The following DLG2 variants were observed in gnomAD, a reference collection of about 807,000 sequenced individuals.
DLG2 encodes the protein disks large homolog 2.
A neutral mutation model predicts 132.5 loss-of-function variants in DLG2; 45 were observed. The ratio of observed to expected loss-of-function variants is 0.34; its 90% confidence interval spans 0.27 to 0.44. DLG2 has a LOEUF of 0.44. Ranked by LOEUF, DLG2 falls within the 20% of genes least tolerant of loss-of-function variation. DLG2 has a pLI of 1.00. For synonymous variants in DLG2, 424 were observed against 419.6 expected, an observed-to-expected ratio of 1.01 and a Z score of -0.13; for missense variants, 1,045 against 1,196.9, an observed-to-expected ratio of 0.87 and a Z score of 1.87.
intron 11 of DLG2, among the ~76,000 whole-genome samples, chr11:84,005,402 A>T (rs904698793): frequency 1.3e-5 from 2 of 152,170 alleles, no homozygotes; most frequent in South Asian, 4.1e-4. Context: ...CTCACAGAAG[A>T]AAACAAAGGG....
chr11:84,047,597 T>C (rs1369501300), intron 11 of DLG2, among the ~76,000 whole-genome samples: 1 of 151,634 alleles, frequency 6.6e-6, no homozygotes, highest in Non-Finnish European at 1.5e-5. Flanking sequence ...AAACTTTAAA[T>C]GTTGAAAAAC....
intron 6 of DLG2, among the ~76,000 whole-genome samples, chr11:84,589,358 A>T (rs2099537450): frequency 6.6e-6 from 1 of 152,192 alleles, no homozygotes; most frequent in African/African-American, 2.4e-5. Flanking sequence ...AGAAGGCATG[A>T]GACCATAGAG....
chr11:85,056,661 C>T (rs186085251), intron 6 of DLG2, among the ~76,000 whole-genome samples: 8 of 151,664 alleles, frequency 5.3e-5, no homozygotes, highest in African/African-American at 1.9e-4. Flanking sequence ...GCTGCAAATC[C>T]CAAGTAGGGA....
intron 4 of DLG2, among the ~76,000 whole-genome samples, chr11:85,179,662 T>G (rs2152509246): frequency 6.6e-6 from 1 of 150,888 alleles, no homozygotes; most frequent in South Asian, 2.1e-4. Flanking sequence ...TACAAATGGG[T>G]GGGTGAAGGA....
At chr11:84,558,391 A>G (rs1227048817) in intron 6 of DLG2, among the ~76,000 whole-genome samples, 1 of 152,156 alleles carries the variant, frequency 6.6e-6, no homozygotes, top group Non-Finnish European at 1.5e-5. Context: ...GTGAATTCTT[A>G]TGGGTATAGC....
chr11:84,705,916 G>A (rs1287971049), intron 6 of DLG2, among the ~76,000 whole-genome samples: 1 of 151,782 alleles, frequency 6.6e-6, no homozygotes, highest in African/African-American at 2.4e-5. Flanking sequence ...TTGAACTTAT[G>A]TTGTAAGCAC....
intron 7 of DLG2, among the ~76,000 whole-genome samples, chr11:84,332,297 C>T (rs1280654548): frequency 1.3e-5 from 2 of 151,176 alleles, no homozygotes; most frequent in Admixed American, 6.6e-5. Flanking sequence ...CTGCAAGCTC[C>T]GCCTCCCGGG....
chr11:84,830,958 A>AAC (rs1555246490), intron 6 of DLG2, among the ~76,000 whole-genome samples: 2 of 80,110 alleles, frequency 2.5e-5, no homozygotes, highest in Non-Finnish European at 4.7e-5. Flanking sequence ...TCCTCCCCCC[A>AAC]CCCCCCCCAG....
intron 17 of DLG2, 21 bp from the exon 18 acceptor site, chr11:83,786,813 G>C: frequency 1.9e-6 from 3 of 1,608,658 alleles, no homozygotes; most frequent in Admixed American, 1.7e-5. Flanking sequence ...GGAAGCCAGA[G>C]AATCTTGGTA....
chr11:83,559,315 A>C (rs1450734517), intron 19 of DLG2, among the ~76,000 whole-genome samples: 2 of 152,142 alleles, frequency 1.3e-5, no homozygotes, highest in Admixed American at 1.3e-4. Context: ...AGGGCTTTCA[A>C]ATTTGTCATT....
intron 4 of DLG2, among the ~76,000 whole-genome samples, chr11:85,222,209 G>T (rs903917370): frequency 6.6e-6 from 1 of 152,092 alleles, no homozygotes; most frequent in South Asian, 2.1e-4. Context: ...CAAGTGATCC[G>T]CCTGTCTTGG....
intron 3 of DLG2, among the ~76,000 whole-genome samples, chr11:85,586,510 G>A: frequency 6.6e-6 from 1 of 152,172 alleles, no homozygotes. Flanking sequence ...GTTCAGAACA[G>A]TCTTGAATGA....
intron 7 of DLG2, among the ~76,000 whole-genome samples, chr11:84,313,096 A>G (rs2098307496): frequency 1.3e-5 from 2 of 152,132 alleles, no homozygotes; most frequent in South Asian, 4.1e-4. Context: ...GGCGTGAGTC[A>G]CTGCACCTGG....
rs547627084 is a variant in DLG2 at position 85,407,113 on chromosome 11, G to A, written c.41-121748C>T. Among the ~76,000 whole-genome samples, 143 of 151,896 alleles carry A rather than the reference G, an allele frequency of 9.4e-4. 1 individual carries two copies. The highest frequency in any genetic ancestry group is 1.6e-3 in the Admixed American group (24 of 15,210). ...TATGCCTAGATTAGAGTGAGAGAAC[G>A]AAAAATCATAAGAATGAAGTCGAAA... On this transcript the variant is annotated intron_variant, in intron 3 of 27. Coordinates refer to ENST00000376104, the MANE Select transcript of DLG2 (RefSeq NM_001142699.3).
At chr11:83,685,331 C>T (rs1196608803) in intron 18 of DLG2, among the ~76,000 whole-genome samples, 1 of 152,178 alleles carries the variant, frequency 6.6e-6, no homozygotes, top group African/African-American at 2.4e-5. Context: ...TTAATGACTT[C>T]AATCAGGCTT....
chr11:85,478,617 G>A (rs1184553255), intron 3 of DLG2, among the ~76,000 whole-genome samples: 1 of 152,096 alleles, frequency 6.6e-6, no homozygotes, highest in Non-Finnish European at 1.5e-5. Context: ...CTACTCTGAG[G>A]CTGAGTTTGC....
intron 3 of DLG2, among the ~76,000 whole-genome samples, chr11:85,372,162 A>C (rs1403350475): frequency 6.6e-6 from 1 of 152,210 alleles, no homozygotes; most frequent in East Asian, 1.9e-4. Context: ...AATCTGGATC[A>C]ATATTCTAGT....
At chr11:85,520,300 T>G (rs974397943) in intron 3 of DLG2, among the ~76,000 whole-genome samples, 1 of 151,774 alleles carries the variant, frequency 6.6e-6, no homozygotes, top group African/African-American at 2.4e-5. Flanking sequence ...AGATAAAAGA[T>G]CTCTATAATG....
intron 22 of DLG2, among the ~76,000 whole-genome samples, chr11:83,478,393 T>C (rs1483481230): frequency 6.6e-6 from 1 of 152,086 alleles, no homozygotes; most frequent in Non-Finnish European, 1.5e-5. Flanking sequence ...AGAATCCAGT[T>C]CCAACTCTTC....
Sources: gnomAD v4.1 joint callset for allele counts (sites outside exome capture counted in the v4.1 genomes callset) on GRCh38, gnomAD v4.1.1 for gene constraint, MANE v1.5 for transcripts, NCBI Gene and HGNC (gene_info 2026-07-23, HGNC 2026-07-21) for gene names.